The following LAMB2 variants were observed in gnomAD, a reference collection of about 807,000 sequenced individuals.
LAMB2 encodes the protein laminin subunit beta 2.
A neutral mutation model predicts 202.7 loss-of-function variants in LAMB2; 119 were observed. The ratio of observed to expected loss-of-function variants is 0.59; its 90% CI spans 0.51 to 0.68. LAMB2 has a LOEUF of 0.68. Among genes scored for constraint, LAMB2 ranks in the 30% least tolerant of loss-of-function variants. The pLI is 0.00. For missense variants in LAMB2, 2,124 were observed against 2,410.6 expected (o/e 0.88, Z 2.49); for synonymous variants, 818 against 902.2 (o/e 0.91, Z 1.67).
Position 49,130,750 on chromosome 3 carries a change from A to G in LAMB2, c.1026T>C (p.His342=), listed in dbSNP as rs1289230886. The change falls in exon 8 of 32, where the codon CAT becomes CAC. Residue 342 remains histidine (H), a synonymous_variant. Coordinates refer to ENST00000305544, the MANE Select transcript of LAMB2 (RefSeq NM_002292.4). The surrounding 1 kb of genome is among the most constrained non-coding windows in gnomAD (Gnocchi z 5.0). The part of the protein sequence containing the change: ...PWRPAEDGHS[H]ACRKCECHGH... Reference sequence around the variant, plus strand: ...CAAGATCTCACTCACTCCTACAGGCATGACTATGGCCGTCCTCAGCCGGAC... The same window carrying G: ...CAAGATCTCACTCACTCCTACAGGCGTGACTATGGCCGTCCTCAGCCGGAC... 1.2e-6 allele frequency: 2 copies of G among 1,614,028 alleles called. No homozygotes were observed. Among genetic ancestry groups the G allele is most frequent in the South Asian group, 1.1e-5 (1 of 91,084 alleles).
Position 49,122,114 on chromosome 3 carries a change from A to AG in LAMB2, c.4782-30dup, listed in dbSNP as rs376648486. 5.8e-5 allele frequency: 94 copies of AG among 1,613,370 alleles called. 1 individual carries two copies. In the East Asian group the frequency reaches 1.2e-3, roughly 21 times the overall value. On this transcript the variant is annotated intron_variant, in intron 28 of 31. Coordinates refer to ENST00000305544, the MANE Select transcript of LAMB2 (RefSeq NM_002292.4). ...GGGAGAAGGGGGAATCAGAACCTGGAGGTATCAAAACCAGGTGTCAGGGAT... is the reference window on the plus strand; with the variant it reads ...GGGAGAAGGGGGAATCAGAACCTGGAGGGTATCAAAACCAGGTGTCAGGGAT...
At position 49,129,414 on chromosome 3, in the gene LAMB2, A is replaced by C. The variant is rs1367198133; in HGVS notation, c.1519-90T>G. On this transcript the variant is annotated intron_variant, in intron 11 of 31. Coordinates refer to ENST00000305544, the MANE Select transcript of LAMB2 (RefSeq NM_002292.4). This position sits in a 1 kb window ranked among gnomAD's most constrained non-coding sequence, Gnocchi z 6.1. ...AATCCCAACCACACGTCTTAGCCTC[A>C]ATCACCCCTCAGTGAAAACATGCCC... The C allele has an allele frequency of 1.6e-6, 2 of 1,244,594 alleles. No individual in the cohort carries two copies. Among genetic ancestry groups the C allele is most frequent in the Non-Finnish European group, 2.3e-6 (2 of 864,620 alleles). 77.1% of individuals were successfully genotyped at this position (1,244,594 alleles called of 1,614,324 possible).
chr3:49,129,399 A>G lies in LAMB2; in HGVS notation c.1519-75T>C. 7.4e-7 allele frequency: 1 copy of G among 1,353,654 alleles called. No homozygotes were observed. Among genetic ancestry groups the G allele is most frequent in the Admixed American group, 1.8e-5 (1 of 54,942 alleles). 83.9% of individuals were successfully genotyped at this position (1,353,654 alleles called of 1,614,324 possible). On this transcript the variant is annotated intron_variant, in intron 11 of 31. Transcript: ENST00000305544. The surrounding 1 kb of genome is among the most constrained non-coding windows in gnomAD (Gnocchi z 6.1). ...CACCACCCAGCAGGAAATCCCAACC[A>G]CACGTCTTAGCCTCAATCACCCCTC...
chr3:49,130,711 G>A lies in LAMB2; in HGVS notation c.1036+29C>T, dbSNP rs1376332480. ...GGGCACAGCCAGGCTGCAGAGTGCT[G>A]GAGCTATGGAGGCCAAGATCTCACT... is the stretch of plus-strand genomic sequence containing the variant. On this transcript the variant is annotated intron_variant, in intron 8 of 31. Coordinates refer to ENST00000305544, the MANE Select transcript of LAMB2 (RefSeq NM_002292.4). This position sits in a 1 kb window ranked among gnomAD's most constrained non-coding sequence, Gnocchi z 5.0. The A allele has an allele frequency of 6.2e-7, 1 of 1,613,004 alleles. No individual in the cohort carries two copies. Among genetic ancestry groups the A allele is most frequent in the Admixed American group, 1.7e-5 (1 of 60,026 alleles).
In LAMB2 at chr3:49,122,083, C is replaced by G; in HGVS notation, c.4784G>C (p.Ser1595Thr). 1 of 1,613,436 alleles carries G rather than the reference C, an allele frequency of 6.2e-7. No individual in the cohort carries two copies. The highest frequency in any genetic ancestry group is 8.5e-7 in the Non-Finnish European group (1 of 1,180,038). Residue 1595 changes from serine to threonine, a missense_variant and splice_region_variant, in exon 29 of 32, where the codon AGC becomes ACC. Coordinates refer to ENST00000305544, the MANE Select transcript of LAMB2 (RefSeq NM_002292.4). Reference sequence around the variant, plus strand: ...CTTCTGTTTCTCATCCTCAGCCCAGCTCCTGGGGAGAAGGGGGAATCAGAA... The same window carrying G: ...CTTCTGTTTCTCATCCTCAGCCCAGGTCCTGGGGAGAAGGGGGAATCAGAA... The part of the protein sequence containing the change: ...QLLQDARRAR[S>T]WAEDEKQKAE...
In LAMB2 at chr3:49,131,455, G is replaced by T; in HGVS notation, c.649-13C>A. ...CACGATAGATGACCTGGAGAAGCAG[G>T]GAGTTCATAGTCACACTGGACCTTG... On this transcript the variant is annotated splice_polypyrimidine_tract_variant and intron_variant, in intron 5 of 31. Transcript: ENST00000305544. The surrounding 1 kb of genome is among the most constrained non-coding windows in gnomAD (Gnocchi z 5.0). 6.2e-7 allele frequency: 1 copy of T among 1,614,036 alleles called. No individual in the cohort carries two copies. The highest frequency in any genetic ancestry group is 8.5e-7 in the Non-Finnish European group (1 of 1,179,986).
In LAMB2 at chr3:49,129,255, A is replaced by C. The variant is rs1186877479; in HGVS notation, c.1588T>G (p.Leu530Val). Residue 530 changes from leucine to valine, a missense_variant, in exon 12 of 32, where the codon TTG becomes GTG. By Grantham distance (32) the Leu-to-Val change is conservative. Around this residue, in one of 3 missense-constraint regions of LAMB2, gnomAD observed 1,702 missense variants for 1,896.3 expected, o/e 0.90. Coordinates refer to ENST00000305544, the MANE Select transcript of LAMB2 (RefSeq NM_002292.4). The surrounding 1 kb of genome is among the most constrained non-coding windows in gnomAD (Gnocchi z 6.1). ...CTTTACAACACTTACTGGGGATCCA[A>C]AGCACCACCCACGTCGCAGTCACAG... ...RPCDCDVGGA[L>V]DPQCDEGTGQ... The C allele has an allele frequency of 6.2e-7, 1 of 1,613,978 alleles. No homozygotes were observed. Among genetic ancestry groups the C allele is most frequent in the South Asian group, 1.1e-5 (1 of 91,078 alleles).
chr3:49,128,033 A>G (rs1003251382), intron 15 of LAMB2, among the ~76,000 whole-genome samples: 1 of 150,720 alleles, frequency 6.6e-6, no homozygotes, highest in East Asian at 1.9e-4. Context: ...AAAAAAAAAA[A>G]AAAAAAGAAA....
rs541668395 is a variant in LAMB2, at chr3:49,132,625, C to T, written c.115G>A (p.Val39Met). The T allele has an allele frequency of 8.1e-6, 13 of 1,613,962 alleles. No homozygotes were observed. In the East Asian group the frequency reaches 2.9e-4, roughly 36 times the overall value. The change falls in exon 2 of 32, where the codon GTG (valine) becomes ATG (methionine). Residue 39 changes from valine to methionine, a missense_variant. Transcript: ENST00000305544. This position sits in a 1 kb window ranked among gnomAD's most constrained non-coding sequence, Gnocchi z 4.6. The stretch of plus-strand genomic sequence containing the variant: ...CAGCTTCCCCTGGAACAGCCAGGCA[C>T]ATCCGGGGCAGGGGCCTGTGCCAGT... ...ATLAQAPAPD[V>M]PGCSRGSCYP...
At position 49,132,242 on chromosome 3, in the gene LAMB2, C is replaced by T. The variant is rs2045489137; in HGVS notation, c.385+28G>A. The stretch of plus-strand genomic sequence containing the variant: ...TCAAAGCTACTGGTGGGCAGCCCTG[C>T]TCACTTTTGCCCCACCCATGGCCTC... On this transcript the variant is annotated intron_variant, in intron 3 of 31. Coordinates refer to ENST00000305544, the MANE Select transcript of LAMB2 (RefSeq NM_002292.4). This position sits in a 1 kb window ranked among gnomAD's most constrained non-coding sequence, Gnocchi z 4.6. 1.5e-5 allele frequency: 25 copies of T among 1,614,226 alleles called. No individual in the cohort carries two copies. The highest frequency in any genetic ancestry group is 2.1e-5 in the Non-Finnish European group (25 of 1,180,034).
Position 49,126,164 on chromosome 3 carries a change from A to G in LAMB2, c.2152-5T>C, listed in dbSNP as rs774738392. The G allele has an allele frequency of 2.4e-5, 38 of 1,611,660 alleles. No homozygotes were observed. The highest frequency in any genetic ancestry group is 3.1e-5 in the Non-Finnish European group (36 of 1,179,902). On this transcript the variant is annotated splice_polypyrimidine_tract_variant and splice_region_variant and intron_variant, in intron 16 of 31. Transcript: ENST00000305544. ...GACACGGGGCAGCAGCACCAGCTGA[A>G]GGAGTGAGCAAGGAAGATCGCAGTT...
In LAMB2 at chr3:49,130,616, A is replaced by G; in HGVS notation, c.1036+124T>C. On this transcript the variant is annotated intron_variant, in intron 8 of 31. Coordinates refer to ENST00000305544, the MANE Select transcript of LAMB2 (RefSeq NM_002292.4). This position sits in a 1 kb window ranked among gnomAD's most constrained non-coding sequence, Gnocchi z 5.0. ...GATTGAGGGGGTCCCAAGGGGCATC[A>G]AGGTCTGCATACTCTTTGGATACAG... 6.7e-7 allele frequency: 1 copy of G among 1,484,130 alleles called. No individual in the cohort carries two copies. Among genetic ancestry groups the G allele is most frequent in the East Asian group, 2.3e-5 (1 of 44,268 alleles). The allele number at this position is 1,484,130 out of a possible 1,614,324, so 91.9% of individuals were successfully genotyped here. A position where few individuals can be genotyped will look rare whatever the true frequency, so the allele number is the denominator to read the frequency against.
rs1315632622 is a variant in LAMB2 at position 49,121,342 on chromosome 3, C to T, written c.5281G>A (p.Glu1761Lys). Reference protein sequence around the residue: ...RLQELEGTYEENERALESKAA... With the variant: ...RLQELEGTYEKNERALESKAA... ...TTACTCTCCAGTGCCCGCTCATTTT[C>T]CTCATAGGTGCCTTCCAATTCTAGG... The change falls in exon 32 of 32, where the codon GAA becomes AAA. Residue 1761 changes from glutamate (E) to lysine (K), a missense_variant. Transcript: ENST00000305544. The T allele has an allele frequency of 5.0e-6, 8 of 1,614,026 alleles. No homozygotes were observed. Among genetic ancestry groups the T allele is most frequent in the Non-Finnish European group, 6.8e-6 (8 of 1,180,054 alleles).
rs1378409559 is a variant in LAMB2 at position 49,131,716 on chromosome 3, C to A, written c.467G>T (p.Arg156Leu). The change falls in exon 5 of 32, where the codon CGC becomes CTC. Residue 156 changes from arginine (R) to leucine (L), a missense_variant. This residue lies in a region of LAMB2 where 256 missense variants were observed against 356.1 expected (regional missense o/e 0.72). Coordinates refer to ENST00000305544, the MANE Select transcript of LAMB2 (RefSeq NM_002292.4). This position sits in a 1 kb window ranked among gnomAD's most constrained non-coding sequence, Gnocchi z 5.0. ...GCGTTCCACCAGCATGGCAGCAGGGCGAAATGTCTGGGTAGGGGGGCATAG... is the reference window on the plus strand; with the variant it reads ...GCGTTCCACCAGCATGGCAGCAGGGAGAAATGTCTGGGTAGGGGGGCATAG... ...THLIMTFKTF[R>L]PAAMLVERSA... 4.3e-6 allele frequency: 7 copies of A among 1,613,172 alleles called. No individual in the cohort carries two copies. Among genetic ancestry groups the A allele is most frequent in the African/African-American group, 1.3e-5 (1 of 75,006 alleles).
Position 49,132,575 on chromosome 3 carries a change from C to G in LAMB2, c.165G>C (p.Leu55=). The change falls in exon 2 of 32, where the codon CTG becomes CTC. Residue 55 remains leucine, a synonymous_variant. Coordinates refer to ENST00000305544, the MANE Select transcript of LAMB2 (RefSeq NM_002292.4). This position sits in a 1 kb window ranked among gnomAD's most constrained non-coding sequence, Gnocchi z 4.6. ...CAGTCAGTCTGTCAGCTCGGCCCACCAGCAGGTCGCCCGTGGCGGGGTAGC... is the reference window on the plus strand; with the variant it reads ...CAGTCAGTCTGTCAGCTCGGCCCACGAGCAGGTCGCCCGTGGCGGGGTAGC... ...GSCYPATGDL[L]VGRADRLTAS... 2 of 1,613,820 alleles carry G rather than the reference C, an allele frequency of 1.2e-6. No homozygotes were observed. Among genetic ancestry groups the G allele is most frequent in the East Asian group, 2.2e-5 (1 of 44,892 alleles).
At position 49,132,319 on chromosome 3, in the gene LAMB2, G is replaced by T; in HGVS notation, c.336C>A (p.Val112=). The change falls in exon 3 of 32, where the codon GTC becomes GTA. Residue 112 remains valine, a synonymous_variant. Coordinates refer to ENST00000305544, the MANE Select transcript of LAMB2 (RefSeq NM_002292.4). This position sits in a 1 kb window ranked among gnomAD's most constrained non-coding sequence, Gnocchi z 4.6. ...NPHSHRIQNV[V]TSFAPQRRAA... The stretch of plus-strand genomic sequence containing the variant: ...CCCGCCGCTGTGGTGCAAAGCTGGT[G>T]ACTACATTCTGGATGCGATGGCTGT... 6.2e-7 allele frequency: 1 copy of T among 1,614,260 alleles called. No homozygotes were observed. Among genetic ancestry groups the T allele is most frequent in the South Asian group, 1.1e-5 (1 of 91,086 alleles).
chr3:49,121,649 C>T, intron 30 of LAMB2, 35 bp downstream of exon 30: 1 of 1,614,010 alleles, frequency 6.2e-7, no homozygotes, highest in South Asian at 1.1e-5. Flanking sequence ...CATCTTCCAC[C>T]CCTACCTTCT....
chr3:49,130,162 C>T lies in LAMB2; in HGVS notation c.1225+69G>A. The stretch of plus-strand genomic sequence containing the variant: ...TAACCCCAATTTCCTGCAATTTAGA[C>T]AGCAGTCCAGCTCTCTAGTTCCTGC... On this transcript the variant is annotated intron_variant, in intron 9 of 31. Transcript: ENST00000305544. The surrounding 1 kb of genome is among the most constrained non-coding windows in gnomAD (Gnocchi z 5.0). 3.8e-6 allele frequency: 6 copies of T among 1,591,336 alleles called. No individual in the cohort carries two copies. Among genetic ancestry groups the T allele is most frequent in the Non-Finnish European group, 5.2e-6 (6 of 1,162,244 alleles).
chr3:49,122,220 C>T lies in LAMB2; in HGVS notation c.4724G>A (p.Arg1575His), dbSNP rs1298198615. 11 of 1,613,486 alleles carry T rather than the reference C, an allele frequency of 6.8e-6. No individual in the cohort carries two copies. Among genetic ancestry groups the T allele is most frequent in the Middle Eastern group, 1.6e-4 (1 of 6,062 alleles). ...GGCACGACGCACATCTCCTACAGTACGTGCCAGGATCGCATCCACATCTGC... is the reference window on the plus strand; with the variant it reads ...GGCACGACGCACATCTCCTACAGTATGTGCCAGGATCGCATCCACATCTGC... ...SLADVDAILA[R>H]TVGDVRRAEQ... The change falls in exon 28 of 32, where the codon CGT becomes CAT. Residue 1575 changes from arginine to histidine, a missense_variant. By Grantham distance (29) the Arg-to-His change is conservative. Transcript: ENST00000305544.
Sources: gnomAD v4.1 joint callset for allele counts (sites outside exome capture counted in the v4.1 genomes callset) on GRCh38, gnomAD v4.1.1 for gene constraint, gnomAD v4.1.1 regional missense constraint, Gnocchi (gnomAD v3.1) non-coding constraint, MANE v1.5 for transcripts, NCBI Gene and HGNC (gene_info 2026-07-23, HGNC 2026-07-21) for gene names.